MSH4: variants seen among roughly 807,000 people sequenced by gnomAD.
The protein encoded by MSH4 is mutS protein homolog 4.
MSH4 carries 106 observed loss-of-function variants against 113.7 expected under a neutral mutation model. The observed-to-expected ratio is 0.93, with a 90% CI of 0.80 to 1.10. MSH4 has a LOEUF of 1.10. Ranked by LOEUF, MSH4 falls within the 50% of genes least tolerant of loss-of-function variation. MSH4 has a pLI of 0.00. For synonymous variants in MSH4, 368 were observed against 380.2 expected, an observed-to-expected ratio of 0.97 and a Z score of 0.37; for missense variants, 1,061 against 1,093.7, an observed-to-expected ratio of 0.97 and a Z score of 0.42.
chr1:75,870,157 G>T (rs1413797385), intron 9 of MSH4, among the ~76,000 whole-genome samples: 1 of 152,186 alleles, frequency 6.6e-6, no homozygotes, highest in Non-Finnish European at 1.5e-5. Context: ...CTGGATTTTG[G>T]ACTTGCGTGG....
intron 2 of MSH4, 49 bp from the exon 3 acceptor site, chr1:75,806,930 GAA>G (rs910535891): frequency 1.2e-5 from 18 of 1,453,498 alleles, no homozygotes; most frequent in Non-Finnish European, 1.6e-5. Context: ...TTTAAAAAAA[GAA>G]ATGATTATTA....
At chr1:75,838,649 T>C (rs1650885893) in intron 7 of MSH4, among the ~76,000 whole-genome samples, 1 of 152,220 alleles carries the variant, frequency 6.6e-6, no homozygotes, top group African/African-American at 2.4e-5. Flanking sequence ...ACAGCATCTC[T>C]TGATACTCTT....
chr1:75,830,443 C>T (rs760494523), intron 7 of MSH4, among the ~76,000 whole-genome samples: 5 of 152,090 alleles, frequency 3.3e-5, no homozygotes, highest in East Asian at 1.9e-4. Flanking sequence ...CAGAGAACGC[C>T]GCAAAGATAC....
intron 2 of MSH4, among the ~76,000 whole-genome samples, chr1:75,805,341 T>C (rs1386315957): frequency 2.0e-5 from 3 of 151,726 alleles, no homozygotes; most frequent in African/African-American, 4.8e-5. Flanking sequence ...TACTGAAACA[T>C]AGGGAAATTA....
chr1:75,890,368 A>G (rs960411532), intron 16 of MSH4, among the ~76,000 whole-genome samples: 1 of 152,092 alleles, frequency 6.6e-6, no homozygotes, highest in Admixed American at 6.5e-5. Context: ...GTGGAGAAGA[A>G]AATGACCATC....
At chr1:75,865,207 A>G (rs1651537256) in intron 8 of MSH4, among the ~76,000 whole-genome samples, 1 of 152,198 alleles carries the variant, frequency 6.6e-6, no homozygotes, top group South Asian at 2.1e-4. Flanking sequence ...CTCAAATTCT[A>G]GTTTCTCAGA....
rs1348549828 is a variant in MSH4, at chr1:75,886,346, ATTATATATGGTATATATGATG to A, written c.2107+2527_2107+2547del. 2.6e-3 allele frequency among the ~76,000 whole-genome samples: 79 copies of A among 29,990 alleles called. 26 individuals carry two copies. Among genetic ancestry groups the A allele is most frequent in the South Asian group, 4.2e-3 (3 of 706 alleles). The allele number at this position is 29,990 out of a possible 152,430, so 19.7% of individuals were successfully genotyped here. ...GTATAGTATATATGATGTATTATAT[ATTATATATGGTATATATGATG>A]TATTATATATTATATATGGTATATA... On this transcript the variant is annotated intron_variant, in intron 15 of 19. Coordinates refer to ENST00000263187, the MANE Select transcript of MSH4 (RefSeq NM_002440.4).
Position 75,797,169 on chromosome 1 carries a change from G to C in MSH4, c.184G>C (p.Asp62His), listed in dbSNP as rs1207735566. The change falls in exon 1 of 20, where the codon GAC becomes CAC. Residue 62 changes from aspartate to histidine, a missense_variant. Coordinates refer to ENST00000263187, the MANE Select transcript of MSH4 (RefSeq NM_002440.4). Reference protein sequence around the residue: ...TCPGTSGAAGDRSSSSSSLPC... With the variant: ...TCPGTSGAAGHRSSSSSSLPC... ...TCCTGGCACGTCAGGAGCTGCGGGC[G>C]ACCGGAGCAGCAGCAGCAGCAGCCT... 2 of 1,610,824 alleles carry C rather than the reference G, an allele frequency of 1.2e-6. No homozygotes were observed. Among genetic ancestry groups the C allele is most frequent in the Admixed American group, 1.7e-5 (1 of 59,510 alleles).
At chr1:75,855,745 A>C (rs1651302218) in intron 8 of MSH4, among the ~76,000 whole-genome samples, 1 of 152,226 alleles carries the variant, frequency 6.6e-6, no homozygotes. Flanking sequence ...ACATCATTGT[A>C]ACAATTACTA....
Position 75,848,191 on chromosome 1 carries a change from T to C in MSH4, c.1163-18T>C, listed in dbSNP as rs749480732. ...GTACCATAAAGTTTAAATACTCACA[T>C]TTGTTTGTTTGTTTCAGTTATATCA... is the stretch of plus-strand genomic sequence containing the variant. On this transcript the variant is annotated intron_variant, in intron 7 of 19. Coordinates refer to ENST00000263187, the MANE Select transcript of MSH4 (RefSeq NM_002440.4). 1.3e-6 allele frequency: 2 copies of C among 1,546,518 alleles called. No individual in the cohort carries two copies. Among genetic ancestry groups the C allele is most frequent in the South Asian group, 2.3e-5 (2 of 86,626 alleles).
At chr1:75,797,252 A>G (rs1373187252) in intron 1 of MSH4, 23 bp downstream of exon 1, 3 of 1,587,936 alleles carry the variant, frequency 1.9e-6, no homozygotes, top group East Asian at 2.3e-5. Context: ...TGGGTGGAGG[A>G]GTCTCCTTGA....
intron 14 of MSH4, among the ~76,000 whole-genome samples, chr1:75,883,251 G>A (rs1651975501): frequency 1.3e-5 from 2 of 148,586 alleles, no homozygotes; most frequent in Admixed American, 1.4e-4. Context: ...AAGCAATCAA[G>A]CAATCTGCCC....
intron 3 of MSH4, among the ~76,000 whole-genome samples, chr1:75,809,252 T>TTA (rs1650134721): frequency 6.6e-6 from 1 of 152,174 alleles, no homozygotes; most frequent in African/African-American, 2.4e-5. Context: ...ATCTAGTGTT[T>TTA]TATTTCAAGT....
intron 7 of MSH4, among the ~76,000 whole-genome samples, chr1:75,845,606 C>T (rs1498313): frequency 0.53 from 80,681 of 152,008 alleles, 22,204 homozygotes; most frequent in South Asian, 0.71. Context: ...CCTCAGGCAG[C>T]GTCAGGGCTT....
chr1:75,911,612 G>A (rs979652009), intron 19 of MSH4, among the ~76,000 whole-genome samples: 6 of 151,922 alleles, frequency 3.9e-5, no homozygotes, highest in Admixed American at 2.6e-4. Flanking sequence ...GTTATCATGT[G>A]AGGTTTACAT....
intron 10 of MSH4, 99 bp downstream of exon 10, chr1:75,877,099 C>T (rs1341011669): frequency 5.6e-5 from 39 of 699,238 alleles, no homozygotes; most frequent in Non-Finnish European, 8.6e-5. Flanking sequence ...GGAACAATTA[C>T]TTGAGTTTTG....
intron 19 of MSH4, among the ~76,000 whole-genome samples, chr1:75,900,102 C>G (rs1557531060): frequency 6.6e-6 from 1 of 151,968 alleles, no homozygotes; most frequent in Admixed American, 6.6e-5. Flanking sequence ...ATGTAAGCCT[C>G]ATAACTCTTC....
intron 7 of MSH4, among the ~76,000 whole-genome samples, chr1:75,845,586 G>A (rs1005486871): frequency 1.3e-5 from 2 of 152,170 alleles, no homozygotes; most frequent in Admixed American, 1.3e-4. Context: ...AAGAAGTAGG[G>A]CTCTCAAGGC....
chr1:75,851,856 A>G (rs1490084909), intron 8 of MSH4, among the ~76,000 whole-genome samples: 1 of 152,244 alleles, frequency 6.6e-6, no homozygotes, highest in Non-Finnish European at 1.5e-5. Context: ...ATTTTTAAAA[A>G]TAAGACAGCT....
Sources: allele counts gnomAD v4.1 joint callset (sites outside exome capture counted in the v4.1 genomes callset), GRCh38; gene constraint gnomAD v4.1.1; transcripts MANE v1.5; gene names NCBI Gene and HGNC (gene_info 2026-07-23, HGNC 2026-07-21).